EMSY: variants seen among roughly 807,000 people sequenced by gnomAD.
EMSY encodes the protein EMSY transcriptional repressor, BRCA2 interacting.
A neutral mutation model predicts 134.6 loss-of-function variants in EMSY; 26 were observed. The observed-to-expected ratio is 0.19, with a 90% CI of 0.14 to 0.27. EMSY has a LOEUF of 0.27. EMSY is among the 10% of genes least tolerant of loss of function. EMSY has a pLI of 1.00. For synonymous variants in EMSY, 579 were observed against 577.8 expected (o/e 1.00, Z -0.03); for missense variants, 1,305 against 1,611.4 (o/e 0.81, Z 3.26).
intron 9 of EMSY, 122 bp from the exon 11 acceptor site, chr11:76,513,263 TA>T (rs1181781592): frequency 2.0e-5 from 15 of 753,498 alleles, no homozygotes; most frequent in African/African-American, 3.6e-5. Context: ...TCATCAGTAT[TA>T]AAAAAAACTT....
intron 8 of EMSY, among the ~76,000 whole-genome samples, chr11:76,484,380 A>G (rs1949098134): frequency 1.3e-5 from 2 of 152,202 alleles, no homozygotes; most frequent in African/African-American, 4.8e-5. Context: ...AGCTAGCAGA[A>G]GTCAAGAAAT....
intron 9 of EMSY, 22 bp downstream of exon 10, chr11:76,496,491 G>C (rs749830167): frequency 6.2e-7 from 1 of 1,612,064 alleles, no homozygotes; most frequent in Non-Finnish European, 8.5e-7. Flanking sequence ...ATGTTTATAA[G>C]ATATGGTAAT....
intron 18 of EMSY, 135 bp from the exon 20 acceptor site, chr11:76,544,124 T>G: frequency 1.5e-5 from 13 of 863,088 alleles, no homozygotes; most frequent in Non-Finnish European, 2.3e-5. Flanking sequence ...GAAAGCTCCT[T>G]GAGGTTTCTT....
intron 9 of EMSY, among the ~76,000 whole-genome samples, chr11:76,504,407 A>G (rs930465060): frequency 5.9e-5 from 9 of 152,074 alleles, no homozygotes; most frequent in African/African-American, 1.9e-4. Context: ...AATATATAAA[A>G]GATACAAAAA....
At chr11:76,552,246 C>T (rs889006492), downstream of EMSY, 18 of 152,128 alleles carry the variant, frequency 1.2e-4, no homozygotes, top group Admixed American at 1.2e-3. Flanking sequence ...AGTGAACAAA[C>T]AGGAAATCCT....
intron 8 of EMSY, among the ~76,000 whole-genome samples, chr11:76,482,514 G>A (rs1050453025): frequency 1.3e-5 from 2 of 152,136 alleles, no homozygotes; most frequent in Non-Finnish European, 1.5e-5. Flanking sequence ...AAGAGGTTAG[G>A]GGAATTGCTA....
chr11:76,539,183 T>C (rs1212368414), intron 16 of EMSY, among the ~76,000 whole-genome samples: 3 of 152,158 alleles, frequency 2.0e-5, no homozygotes, highest in Non-Finnish European at 4.4e-5. Flanking sequence ...TTTATTACTT[T>C]GAAATTTGAA....
intron 9 of EMSY, among the ~76,000 whole-genome samples, chr11:76,504,875 A>T (rs1950011712): frequency 6.6e-6 from 1 of 152,222 alleles, no homozygotes. Flanking sequence ...CCTCAAAAAG[A>T]TTACATTAAG....
intron 11 of EMSY, among the ~76,000 whole-genome samples, chr11:76,521,033 T>C (rs975991749): frequency 1.2e-4 from 18 of 152,136 alleles, no homozygotes; most frequent in African/African-American, 4.1e-4. Context: ...CAAAGACCAA[T>C]GTGGAAACCA....
chr11:76,472,983 G>C, intron 8 of EMSY, 143 bp downstream of exon 9: 1 of 809,526 alleles, frequency 1.2e-6, no homozygotes, highest in Non-Finnish European at 1.9e-6. Context: ...CCCAGTTTGA[G>C]AATGTCAAGA....
intron 8 of EMSY, among the ~76,000 whole-genome samples, chr11:76,487,369 A>G (rs1949231384): frequency 6.6e-6 from 1 of 152,234 alleles, no homozygotes; most frequent in African/African-American, 2.4e-5. Context: ...ACAATATCAT[A>G]GGTATAGACT....
At chr11:76,450,057 CTTTTTTTT>C (rs11334942) in intron 2 of EMSY, among the ~76,000 whole-genome samples, 2 of 131,028 alleles carry the variant, frequency 1.5e-5, no homozygotes, top group African/African-American at 2.8e-5. Context: ...TGTACATTTG[CTTTTTTTT>C]TTTTTTTTCC....
chr11:76,459,157 G>A (rs1407153420), intron 5 of EMSY: 4 of 152,188 alleles, frequency 2.6e-5, no homozygotes, highest in African/African-American at 9.7e-5. Context: ...CTCAGGTAGA[G>A]TGGAAAGAAT....
At chr11:76,464,347 T>C (rs1234770554) in intron 7 of EMSY, among the ~76,000 whole-genome samples, 1 of 152,232 alleles carries the variant, frequency 6.6e-6, no homozygotes, top group East Asian at 1.9e-4. Context: ...TTTATAGTTG[T>C]AATCCTATTT....
intron 12 of EMSY, among the ~76,000 whole-genome samples, chr11:76,525,453 C>T (rs1004533733): frequency 1.3e-5 from 2 of 152,140 alleles, no homozygotes; most frequent in Admixed American, 6.5e-5. Flanking sequence ...GATAGGCACA[C>T]GTTTAGATGA....
chr11:76,531,832 T>C (rs1951051496), intron 14 of EMSY, among the ~76,000 whole-genome samples: 1 of 152,162 alleles, frequency 6.6e-6, no homozygotes, highest in Non-Finnish European at 1.5e-5. Context: ...TCAGGTCCTT[T>C]TTCTGGTGAC....
chr11:76,449,156 A>G (rs897044357), intron 2 of EMSY, among the ~76,000 whole-genome samples: 5 of 152,210 alleles, frequency 3.3e-5, no homozygotes, highest in Admixed American at 6.5e-5. Flanking sequence ...CTACTTTTGT[A>G]TTAACACTGT....
chr11:76,490,029 T>C (rs1229793331), intron 8 of EMSY, among the ~76,000 whole-genome samples: 1 of 152,244 alleles, frequency 6.6e-6, no homozygotes, highest in Non-Finnish European at 1.5e-5. Context: ...CTCTGACCTT[T>C]AATTGGAAGG....
rs533402271 is a variant in EMSY at position 76,467,872 on chromosome 11, G to T, written c.831+3792G>T. Among the ~76,000 whole-genome samples the T allele has an allele frequency of 5.3e-5, 8 of 151,974 alleles. No homozygotes were observed. The South Asian group carries it at 1.7e-3, about 32-fold the overall frequency. On this transcript the variant is annotated intron_variant, in intron 7 of 20. Transcript: ENST00000334736. ...CCGGGCGTGGTGGCACATGCTACTCGGTAGGCTGAGGCAGGAGAATCGCTT... is the reference window on the plus strand; with the variant it reads ...CCGGGCGTGGTGGCACATGCTACTCTGTAGGCTGAGGCAGGAGAATCGCTT...
Sources: allele counts gnomAD v4.1 joint callset (sites outside exome capture counted in the v4.1 genomes callset), GRCh38; gene constraint gnomAD v4.1.1; transcripts MANE v1.5; gene names NCBI Gene and HGNC (gene_info 2026-07-23, HGNC 2026-07-21).